TBC1D14: variants seen among roughly 807,000 people sequenced by gnomAD.
TBC1D14 encodes TBC1 domain family, member 14.
A neutral mutation model predicts 79.0 loss-of-function variants in TBC1D14; 26 were observed. The observed-to-expected ratio is 0.33, with a 90% CI of 0.24 to 0.46. TBC1D14 has a LOEUF of 0.46. Among genes scored for constraint, TBC1D14 ranks in the 20% least tolerant of loss-of-function variants. The probability of loss-of-function intolerance (pLI) is 1.00; values close to 1 mark genes in which losing one functional copy is unlikely to be tolerated. For missense variants in TBC1D14, 769 were observed against 887.6 expected (o/e 0.87, Z 1.70); for synonymous variants, 394 against 349.9 (o/e 1.13, Z -1.40).
chr4:6,989,744 G>C lies in TBC1D14; in HGVS notation c.844-4440G>C, dbSNP rs557704177. Among the ~76,000 whole-genome samples, 4 of 152,134 alleles carry C rather than the reference G, an allele frequency of 2.6e-5. No homozygotes were observed. The South Asian group carries it at 8.3e-4, about 32-fold the overall frequency. On this transcript the variant is annotated intron_variant, in intron 3 of 13. Coordinates refer to ENST00000409757, the MANE Select transcript of TBC1D14 (RefSeq NM_020773.3). Reference sequence around the variant, plus strand: ...CCTTCCCTCTTGCCCTGCATGCTGAGTCTCATGCAGAGCCCTCTGCATGAG... The same window carrying C: ...CCTTCCCTCTTGCCCTGCATGCTGACTCTCATGCAGAGCCCTCTGCATGAG...
intron 2 of TBC1D14, among the ~76,000 whole-genome samples, chr4:6,938,425 G>A (rs1712558870): frequency 6.6e-6 from 1 of 152,160 alleles, no homozygotes; most frequent in Admixed American, 6.5e-5. Flanking sequence ...CAGGGATCGT[G>A]GTCACACGAG....
At chr4:6,957,827 C>G (rs927914796) in intron 2 of TBC1D14, among the ~76,000 whole-genome samples, 2 of 151,972 alleles carry the variant, frequency 1.3e-5, no homozygotes, top group Admixed American at 6.6e-5. Context: ...TGCTTGAGCC[C>G]GAGAGGTTGA....
intron 11 of TBC1D14, among the ~76,000 whole-genome samples, 198 bp downstream of exon 11, chr4:7,010,979 C>T (rs375710436): frequency 4.6e-5 from 7 of 152,168 alleles, no homozygotes; most frequent in South Asian, 2.1e-4. Context: ...GGTTAGTAGC[C>T]GTATGTCTGG....
chr4:7,017,267 T>C (rs1359359218), intron 12 of TBC1D14, among the ~76,000 whole-genome samples: 3 of 152,196 alleles, frequency 2.0e-5, no homozygotes, highest in African/African-American at 4.8e-5. Context: ...ACCACTGCAC[T>C]CTAGCCTGGG....
chr4:7,011,101 A>T (rs549846611), intron 11 of TBC1D14, among the ~76,000 whole-genome samples: 1 of 152,204 alleles, frequency 6.6e-6, no homozygotes, highest in African/African-American at 2.4e-5. Flanking sequence ...CTTGGTGTCA[A>T]AGTCACAGCT....
intron 13 of TBC1D14, among the ~76,000 whole-genome samples, chr4:7,025,894 G>A (rs780077177): frequency 1.3e-5 from 2 of 152,128 alleles, no homozygotes; most frequent in African/African-American, 4.8e-5. Context: ...TTCCTGTTCC[G>A]AGTCTTTGTC....
chr4:7,007,377 A>T, intron 9 of TBC1D14: 1 of 408,480 alleles, frequency 2.4e-6, no homozygotes, highest in Non-Finnish European at 4.5e-6. Flanking sequence ...TGAACTCTTT[A>T]AAGACCTTCT....
intron 2 of TBC1D14, among the ~76,000 whole-genome samples, chr4:6,936,902 T>G (rs1252776264): frequency 4.6e-5 from 7 of 152,136 alleles, no homozygotes; most frequent in Non-Finnish European, 1.5e-5. Flanking sequence ...TTTGAGCTTT[T>G]TTTTTTTATT....
intron 3 of TBC1D14, among the ~76,000 whole-genome samples, chr4:6,981,024 T>C (rs192115052): frequency 4.9e-4 from 68 of 138,202 alleles, no homozygotes; most frequent in Non-Finnish European, 8.3e-4. Flanking sequence ...CTCTGTCTCT[T>C]TTTTTTTTTT....
At chr4:6,948,275 A>G (rs1023200176) in intron 2 of TBC1D14, among the ~76,000 whole-genome samples, 1 of 152,186 alleles carries the variant, frequency 6.6e-6, no homozygotes. Flanking sequence ...TTCGCTCCCC[A>G]TGGGTAACCA....
rs1009100931 is a variant in TBC1D14 at position 6,960,549 on chromosome 4, CA to C, written c.723-6748del. ...ATTATGTACCTTGCTTTTTTCCCTTCAAAAAAATGCCTGTTGGCCTCCTGAA... is the reference window on the plus strand; with the variant it reads ...ATTATGTACCTTGCTTTTTTCCCTTCAAAAAATGCCTGTTGGCCTCCTGAA... On this transcript the variant is annotated intron_variant, in intron 2 of 13. Coordinates refer to ENST00000409757, the MANE Select transcript of TBC1D14 (RefSeq NM_020773.3). 3.7e-4 allele frequency among the ~76,000 whole-genome samples: 57 copies of C among 152,068 alleles called. 1 individual carries two copies. The highest frequency in any genetic ancestry group is 1.3e-3 in the African/African-American group (53 of 41,496).
chr4:6,986,499 C>T (rs1409164382), intron 3 of TBC1D14, among the ~76,000 whole-genome samples: 1 of 152,208 alleles, frequency 6.6e-6, no homozygotes, highest in Non-Finnish European at 1.5e-5. Context: ...CACAGGCTTC[C>T]TCTGATGGAG....
intron 9 of TBC1D14, among the ~76,000 whole-genome samples, chr4:7,009,273 T>C (rs769891460): frequency 2.0e-5 from 3 of 152,238 alleles, no homozygotes; most frequent in Admixed American, 6.5e-5. Flanking sequence ...CTGTGCTCCA[T>C]TGGGGAAATA....
chr4:6,987,397 C>A, intron 3 of TBC1D14: 1 of 1,380,622 alleles, frequency 7.2e-7, no homozygotes, highest in Non-Finnish European at 9.4e-7. Flanking sequence ...CCAGGCCTGC[C>A]CGGTCCCGTG....
intron 11 of TBC1D14, among the ~76,000 whole-genome samples, chr4:7,012,305 A>G (rs1166043166): frequency 1.4e-4 from 21 of 149,140 alleles, no homozygotes; most frequent in African/African-American, 1.9e-4. Flanking sequence ...CCATCTCAAA[A>G]AAAAAAAAAA....
intron 6 of TBC1D14, 147 bp downstream of exon 6, chr4:6,999,349 A>G: frequency 1.4e-6 from 1 of 705,220 alleles, no homozygotes; most frequent in African/African-American, 1.8e-5. Context: ...ACCCTGGCTC[A>G]GCCTGCGCCA....
chr4:7,001,784 C>T (rs1467745617), intron 7 of TBC1D14, among the ~76,000 whole-genome samples: 1 of 152,120 alleles, frequency 6.6e-6, no homozygotes, highest in Non-Finnish European at 1.5e-5. Flanking sequence ...ACACTTCCTC[C>T]CTCAGGCTGA....
At chr4:7,021,038 T>C (rs1400984040) in intron 12 of TBC1D14, among the ~76,000 whole-genome samples, 1 of 152,246 alleles carries the variant, frequency 6.6e-6, no homozygotes, top group Non-Finnish European at 1.5e-5. Context: ...AGAGGCCAGT[T>C]CTGTTCCGTG....
At chr4:7,015,585 G>A (rs1212514580) in intron 12 of TBC1D14, among the ~76,000 whole-genome samples, 7 of 152,180 alleles carry the variant, frequency 4.6e-5, no homozygotes, top group African/African-American at 1.7e-4. Flanking sequence ...AGGGGTTGCT[G>A]AGGATGTGGT....
Sources: gnomAD v4.1 joint callset for allele counts (sites outside exome capture counted in the v4.1 genomes callset) on GRCh38, gnomAD v4.1.1 for gene constraint, MANE v1.5 for transcripts, NCBI Gene and HGNC (gene_info 2026-07-23, HGNC 2026-07-21) for gene names.